SHC3: variants seen among roughly 807,000 people sequenced by gnomAD.
SHC3 encodes the protein SHC-transforming protein 3.
In SHC3, 15 loss-of-function variants were observed where a neutral mutation model predicts 60.4. That is an observed-to-expected ratio of 0.25 (90% CI 0.17 to 0.38). SHC3 has a LOEUF of 0.38. Among genes scored for constraint, SHC3 ranks in the 10% least tolerant of loss-of-function variants. The pLI, the probability that SHC3 is intolerant of heterozygous loss-of-function variation, is 1.00. For synonymous variants in SHC3, 294 were observed against 325.9 expected, an observed-to-expected ratio of 0.90 and a Z score of 1.05; for missense variants, 677 against 786.1, an observed-to-expected ratio of 0.86 and a Z score of 1.66.
At chr9:89,127,472 C>T (rs1826180440) in intron 1 of SHC3, among the ~76,000 whole-genome samples, 1 of 152,090 alleles carries the variant, frequency 6.6e-6, no homozygotes, top group East Asian at 1.9e-4. Flanking sequence ...GGAGATGCCC[C>T]ACAGAACCTG....
At chr9:89,147,722 A>T (rs1826490724) in intron 1 of SHC3, among the ~76,000 whole-genome samples, 1 of 152,074 alleles carries the variant, frequency 6.6e-6, no homozygotes, top group South Asian at 2.1e-4. Flanking sequence ...CCGAGAATAT[A>T]AGGAAATCAT....
chr9:89,065,884 T>C (rs1304035594), intron 5 of SHC3, among the ~76,000 whole-genome samples: 3 of 152,086 alleles, frequency 2.0e-5, no homozygotes, highest in Non-Finnish European at 4.4e-5. Context: ...CCGGAACTGG[T>C]TAGAAGTCCA....
chr9:89,150,099 ATTAG>A (rs1034049484), intron 1 of SHC3, among the ~76,000 whole-genome samples: 12 of 152,318 alleles, frequency 7.9e-5, no homozygotes, highest in Admixed American at 2.6e-4. Context: ...CTGATGTATT[ATTAG>A]TTATTGTCGT....
At position 89,133,670 on chromosome 9, in the gene SHC3, C is replaced by G. The variant is rs555072052; in HGVS notation, c.475-21044G>C. On this transcript the variant is annotated intron_variant, in intron 1 of 11. Coordinates refer to ENST00000375835, the MANE Select transcript of SHC3 (RefSeq NM_016848.6). ...GCAAACTATCGCAAGGACAGAAAAC[C>G]AAATACTGCATGTTCTCACTCATAG... Among the ~76,000 whole-genome samples, 123 of 152,092 alleles carry G rather than the reference C, an allele frequency of 8.1e-4. 1 individual carries two copies. The highest frequency in any genetic ancestry group is 1.6e-3 in the Admixed American group (25 of 15,266).
chr9:89,078,293 C>T (rs1825392268), intron 2 of SHC3, among the ~76,000 whole-genome samples: 1 of 151,988 alleles, frequency 6.6e-6, no homozygotes, highest in Non-Finnish European at 1.5e-5. Context: ...GACATCAGGC[C>T]CAAACCTAAT....
intron 2 of SHC3, chr9:89,108,979 G>T: frequency 1.2e-6 from 1 of 836,724 alleles, no homozygotes; most frequent in Non-Finnish European, 1.4e-6. Flanking sequence ...CTGGGCAGTT[G>T]TAATAGAACC....
intron 7 of SHC3, 105 bp from the exon 8 acceptor site, chr9:89,047,099 A>T (rs1824787765): frequency 8.1e-7 from 1 of 1,233,908 alleles, no homozygotes; most frequent in Admixed American, 2.8e-5. Flanking sequence ...GAGTTTAGTC[A>T]GTGCCTCCTC....
At chr9:89,070,016 G>A (rs147734286) in intron 5 of SHC3, among the ~76,000 whole-genome samples, 2 of 152,328 alleles carry the variant, frequency 1.3e-5, no homozygotes, top group African/African-American at 4.8e-5. Context: ...ACCTTGAAAT[G>A]AAGAGATCTT....
intron 1 of SHC3, among the ~76,000 whole-genome samples, chr9:89,159,129 A>G (rs1826668292): frequency 6.6e-6 from 1 of 150,936 alleles, no homozygotes; most frequent in Admixed American, 6.6e-5. Flanking sequence ...CCATAAAGAA[A>G]GCTCTACCAT....
chr9:89,130,970 C>T (rs1166047293), intron 1 of SHC3, among the ~76,000 whole-genome samples: 1 of 152,040 alleles, frequency 6.6e-6, no homozygotes, highest in Non-Finnish European at 1.5e-5. Context: ...AATCCAGGAG[C>T]TGGTTTTTTG....
At chr9:89,118,640 A>AT (rs976279729) in intron 1 of SHC3, among the ~76,000 whole-genome samples, 2 of 152,044 alleles carry the variant, frequency 1.3e-5, no homozygotes, top group Non-Finnish European at 2.9e-5. Flanking sequence ...AAAAAAAAAA[A>AT]GACAGGTTAC....
At chr9:89,028,793 T>C (rs1157823884) in intron 11 of SHC3, among the ~76,000 whole-genome samples, 2 of 146,510 alleles carry the variant, frequency 1.4e-5, no homozygotes, top group Non-Finnish European at 3.0e-5. Flanking sequence ...TAGAGAGATA[T>C]AGAGAGATCA....
At chr9:89,093,560 A>C (rs2118058500) in intron 2 of SHC3, among the ~76,000 whole-genome samples, 1 of 152,350 alleles carries the variant, frequency 6.6e-6, no homozygotes, top group East Asian at 1.9e-4. Flanking sequence ...CTCCAAAAAA[A>C]AAAAAAGGGT....
intron 1 of SHC3, among the ~76,000 whole-genome samples, chr9:89,154,848 A>G (rs1888642): frequency 0.66 from 99,813 of 152,064 alleles, 33,098 homozygotes; most frequent in East Asian, 0.97. Flanking sequence ...GCAATAGACC[A>G]CATCTGCTAT....
chr9:89,036,889 A>T lies in SHC3; in HGVS notation c.1656+1104T>A, dbSNP rs141744533. Among the ~76,000 whole-genome samples, 59 of 151,822 alleles carry T rather than the reference A, an allele frequency of 3.9e-4. No individual in the cohort carries two copies. In the East Asian group the frequency reaches 0.011, roughly 28 times the overall value. On this transcript the variant is annotated intron_variant, in intron 11 of 11. Coordinates refer to ENST00000375835, the MANE Select transcript of SHC3 (RefSeq NM_016848.6). ...GTAGCTGGGACTACAGGCAGTCGCC[A>T]CCATGCCTGGCTAATTTGCAAATTT...
intron 1 of SHC3, among the ~76,000 whole-genome samples, chr9:89,140,336 C>A (rs911328679): frequency 6.4e-5 from 9 of 141,568 alleles, no homozygotes; most frequent in Non-Finnish European, 1.3e-4. Flanking sequence ...CAAACAGATT[C>A]CCCCCCCCAG....
At chr9:89,016,399 G>A (rs1022228137) in intron 11 of SHC3, among the ~76,000 whole-genome samples, 1 of 152,030 alleles carries the variant, frequency 6.6e-6, no homozygotes, top group Non-Finnish European at 1.5e-5. Context: ...TATTATGGAT[G>A]GCTCTATGCT....
chr9:89,033,277 A>T lies in SHC3; in HGVS notation c.1656+4716T>A, dbSNP rs189511394. 4.2e-3 allele frequency among the ~76,000 whole-genome samples: 644 copies of T among 152,320 alleles called. 3 individuals carry two copies. Among genetic ancestry groups the T allele is most frequent in the Admixed American group, 8.3e-3 (127 of 15,302 alleles). ...TTAAGTCATTCTTTGATCTATACAG[A>T]CTAAGTGAACAAATTCAATAATCTT... On this transcript the variant is annotated intron_variant, in intron 11 of 11. Coordinates refer to ENST00000375835, the MANE Select transcript of SHC3 (RefSeq NM_016848.6).
At chr9:89,107,213 GCTCC>G (rs1825875551) in intron 2 of SHC3, among the ~76,000 whole-genome samples, 1 of 152,134 alleles carries the variant, frequency 6.6e-6, no homozygotes, top group Non-Finnish European at 1.5e-5. Context: ...TGGCTTAAGT[GCTCC>G]CTCCCTCCTC....
Sources: allele counts gnomAD v4.1 joint callset (sites outside exome capture counted in the v4.1 genomes callset), GRCh38; gene constraint gnomAD v4.1.1; transcripts MANE v1.5; gene names NCBI Gene and HGNC (gene_info 2026-07-23, HGNC 2026-07-21).